TENM2: variants seen among roughly 807,000 people sequenced by gnomAD.
TENM2 encodes teneurin-2.
A neutral mutation model predicts 245.2 loss-of-function variants in TENM2; 52 were observed. That is an observed-to-expected ratio of 0.21 (90% CI 0.17 to 0.27). TENM2 has a LOEUF of 0.27. Among genes scored for constraint, TENM2 ranks in the 10% least tolerant of loss-of-function variants. The pLI is 1.00. For missense variants in TENM2, 3,046 were observed against 3,666.8 expected (o/e 0.83, Z 4.37); for synonymous variants, 1,363 against 1,438.9 (o/e 0.95, Z 1.19).
intron 2 of TENM2, among the ~76,000 whole-genome samples, chr5:167,574,271 G>C (rs1774487938): frequency 6.6e-6 from 1 of 152,198 alleles, no homozygotes; most frequent in South Asian, 2.1e-4. Flanking sequence ...TAAGGAGAGA[G>C]ATGAGAAAGA....
chr5:167,450,130 T>C, intron 2 of TENM2, among the ~76,000 whole-genome samples: 1 of 152,174 alleles, frequency 6.6e-6, no homozygotes, highest in South Asian at 2.1e-4. Context: ...ACTGTTCTAA[T>C]TTTAAATATT....
chr5:167,320,948 A>AAC (rs1158210828), intron 1 of TENM2, among the ~76,000 whole-genome samples: 3 of 151,424 alleles, frequency 2.0e-5, no homozygotes, highest in South Asian at 2.1e-4. Flanking sequence ...CAAACAAACA[A>AAC]AAAAAAACAC....
At chr5:167,513,662 A>G (rs1207384302) in intron 2 of TENM2, among the ~76,000 whole-genome samples, 1 of 152,184 alleles carries the variant, frequency 6.6e-6, no homozygotes. Flanking sequence ...TATCTGCTCT[A>G]ATGAAGTGCA....
intron 5 of TENM2, among the ~76,000 whole-genome samples, chr5:167,999,715 C>G (rs1474980597): frequency 2.6e-5 from 4 of 152,128 alleles, no homozygotes; most frequent in African/African-American, 9.7e-5. Flanking sequence ...TCGGGAGATG[C>G]CTTTGCTTTC....
chr5:168,124,715 C>T, intron 10 of TENM2, 135 bp from the exon 13 acceptor site: 1 of 759,768 alleles, frequency 1.3e-6, no homozygotes, highest in Non-Finnish European at 2.1e-6. Context: ...ATTTCTTGGG[C>T]TACTCCATTT....
intron 9 of TENM2, among the ~76,000 whole-genome samples, chr5:168,102,866 G>T (rs1343825186): frequency 2.6e-5 from 4 of 152,124 alleles, no homozygotes; most frequent in Non-Finnish European, 4.4e-5. Flanking sequence ...TCATATCAAT[G>T]ATATGAGGTA....
At chr5:167,433,637 G>A (rs753143771) in intron 2 of TENM2, among the ~76,000 whole-genome samples, 15 of 152,002 alleles carry the variant, frequency 9.9e-5, no homozygotes, top group Non-Finnish European at 2.2e-4. Flanking sequence ...ATAAAGTAAT[G>A]TGACATTTGT....
chr5:167,184,470 TG>T, the TENM2 span, among the ~76,000 whole-genome samples: 1 of 152,140 alleles, frequency 6.6e-6, no homozygotes, highest in Non-Finnish European at 1.5e-5. Context: ...TGTTTTTTGT[TG>T]GGGGGTGGAG....
intron 2 of TENM2, among the ~76,000 whole-genome samples, chr5:167,497,768 A>G (rs187150952): frequency 7.2e-5 from 11 of 152,158 alleles, no homozygotes; most frequent in Middle Eastern, 3.4e-3. Context: ...TTTATTGGGT[A>G]CCCATAGGGT....
chr5:167,358,586 G>T (rs993272199), intron 1 of TENM2, among the ~76,000 whole-genome samples: 1 of 151,408 alleles, frequency 6.6e-6, no homozygotes, highest in Admixed American at 6.6e-5. Context: ...GTGACCCGGG[G>T]CTCAATTCTT....
chr5:167,742,393 A>G (rs1761241908), intron 2 of TENM2, among the ~76,000 whole-genome samples: 1 of 151,434 alleles, frequency 6.6e-6, no homozygotes, highest in South Asian at 2.1e-4. Flanking sequence ...CCTGAAGTTC[A>G]CAGGCTTAAA....
At chr5:167,115,787 C>T in the TENM2 span, among the ~76,000 whole-genome samples, 1 of 152,120 alleles carries the variant, frequency 6.6e-6, no homozygotes, top group Admixed American at 6.6e-5. Context: ...TTTAAATAGG[C>T]TTTAGTAGAG....
intron 2 of TENM2, among the ~76,000 whole-genome samples, chr5:167,671,139 T>C (rs1755915377): frequency 6.6e-6 from 1 of 152,150 alleles, no homozygotes. Context: ...GCATCATTAA[T>C]ATGATTTGGT....
chr5:167,294,696 A>T lies in TENM2; in HGVS notation c.226+9633A>T, dbSNP rs1754845291. Among the ~76,000 whole-genome samples the T allele has an allele frequency of 2.0e-5, 3 of 152,012 alleles. No individual in the cohort carries two copies. In the South Asian group the frequency reaches 6.2e-4, roughly 32 times the overall value. On this transcript the variant is annotated intron_variant, in intron 1 of 28. Transcript: ENST00000518659. ...CCCCTAGATAGGTTTTATTTGGCCT[A>T]TGGATTTCTTTAGAATTTTGAATCA...
intron 2 of TENM2, among the ~76,000 whole-genome samples, chr5:167,549,988 G>C (rs1388391210): frequency 6.6e-6 from 1 of 152,170 alleles, no homozygotes; most frequent in African/African-American, 2.4e-5. Context: ...AGGATTTTGT[G>C]CTGCGATGTG....
chr5:167,035,502 A>G, the TENM2 span, among the ~76,000 whole-genome samples: 1 of 152,216 alleles, frequency 6.6e-6, no homozygotes, highest in East Asian at 1.9e-4. Context: ...ACCATTTTCT[A>G]TGTTACCTCA....
chr5:168,262,473 G>A (rs746859998), exon 29 of TENM2: 21 of 1,561,588 alleles, frequency 1.3e-5, no homozygotes, highest in Admixed American at 3.8e-5. Flanking sequence ...GGCAGGACTC[G>A]AAGGTTCACG....
intron 2 of TENM2, among the ~76,000 whole-genome samples, chr5:167,818,355 T>G (rs1767232910): frequency 6.6e-6 from 1 of 152,184 alleles, no homozygotes; most frequent in Admixed American, 6.5e-5. Flanking sequence ...ATGTGGTTCA[T>G]GCATGTGTGA....
At chr5:167,583,971 G>T (rs976088971) in intron 2 of TENM2, among the ~76,000 whole-genome samples, 3 of 151,984 alleles carry the variant, frequency 2.0e-5, no homozygotes, top group African/African-American at 7.3e-5. Context: ...AGTTTTTCTC[G>T]ACTACTCCTC....
Sources: gnomAD v4.1 joint callset for allele counts (sites outside exome capture counted in the v4.1 genomes callset) on GRCh38, gnomAD v4.1.1 for gene constraint, MANE v1.5 for transcripts, NCBI Gene and HGNC (gene_info 2026-07-23, HGNC 2026-07-21) for gene names.